The following MAGI2 variants were observed in gnomAD, a reference collection of about 807,000 sequenced individuals.
MAGI2 encodes the protein membrane associated guanylate kinase, WW and PDZ domain containing 2.
In MAGI2, 35 loss-of-function variants were observed where a neutral mutation model predicts 133.3. The observed-to-expected ratio is 0.26, with a 90% CI of 0.20 to 0.35. The LOEUF (loss-of-function observed/expected upper bound fraction) is 0.35. MAGI2 is among the 10% of genes least tolerant of loss of function. The probability of loss-of-function intolerance (pLI) is 1.00; values close to 1 mark genes in which losing one functional copy is unlikely to be tolerated. For missense variants in MAGI2, 1,636 were observed against 1,863.4 expected (o/e 0.88, Z 2.25); for synonymous variants, 729 against 710.6 (o/e 1.03, Z -0.41).
At chr7:78,229,492 G>T (rs1789737017) in intron 10 of MAGI2, among the ~76,000 whole-genome samples, 2 of 152,090 alleles carry the variant, frequency 1.3e-5, no homozygotes, top group South Asian at 4.1e-4. Context: ...CCACATACTG[G>T]GCTCTGTGTG....
rs6150177 is a variant in MAGI2 at position 78,367,100 on chromosome 7, A to AACACACACACACACACACACACAC, written c.1103+2032_1103+2055dup. ...TGTACACAGAAGTATAATGTAGGCA[A>AACACACACACACACACACACACAC]ACACACACACACACACACACACACA... is the stretch of plus-strand genomic sequence containing the variant. On this transcript the variant is annotated intron_variant, in intron 7 of 21. Transcript: ENST00000354212. 2.2e-3 allele frequency among the ~76,000 whole-genome samples: 323 copies of AACACACACACACACACACACACAC among 146,882 alleles called. 2 individuals are homozygous for AACACACACACACACACACACACAC. The highest frequency in any genetic ancestry group is 3.7e-3 in the Non-Finnish European group (245 of 66,892).
intron 20 of MAGI2, among the ~76,000 whole-genome samples, chr7:78,115,833 C>A (rs1224311988): frequency 6.6e-6 from 1 of 152,032 alleles, no homozygotes; most frequent in African/African-American, 2.4e-5. Flanking sequence ...CAAAAAAAGT[C>A]AACTGCTTTT....
intron 1 of MAGI2, among the ~76,000 whole-genome samples, chr7:79,378,944 A>G (rs1197282485): frequency 4.1e-4 from 14 of 33,810 alleles, no homozygotes; most frequent in African/African-American, 2.0e-3. Context: ...ATATATATAT[A>G]TATATATATA....
intron 20 of MAGI2, among the ~76,000 whole-genome samples, chr7:78,124,050 T>C (rs1344272063): frequency 6.6e-6 from 1 of 152,224 alleles, no homozygotes; most frequent in Non-Finnish European, 1.5e-5. Context: ...TTAGATCCCT[T>C]GTGAAAATAC....
chr7:78,710,189 TAC>T (rs1819041905), intron 2 of MAGI2, among the ~76,000 whole-genome samples: 1 of 152,200 alleles, frequency 6.6e-6, no homozygotes, highest in Non-Finnish European at 1.5e-5. Context: ...CAGACAAGAT[TAC>T]ACACATTCTA....
intron 1 of MAGI2, among the ~76,000 whole-genome samples, chr7:79,393,349 T>A (rs1257815667): frequency 6.6e-6 from 1 of 152,180 alleles, no homozygotes; most frequent in Non-Finnish European, 1.5e-5. Context: ...TATAAAGATG[T>A]TTTAAAATTT....
chr7:78,810,852 T>A (rs1487048225), intron 2 of MAGI2, among the ~76,000 whole-genome samples: 52 of 152,096 alleles, frequency 3.4e-4, no homozygotes, highest in Non-Finnish European at 2.9e-5. Context: ...TATTTCTTAA[T>A]AAATTATAGA....
intron 1 of MAGI2, among the ~76,000 whole-genome samples, chr7:79,159,410 G>T (rs188679684): frequency 2.0e-4 from 30 of 151,470 alleles, no homozygotes; most frequent in African/African-American, 7.0e-4. Context: ...TCAGCTACTC[G>T]GGAGGCTGAG....
intron 2 of MAGI2, among the ~76,000 whole-genome samples, chr7:78,710,558 A>C (rs976521540): frequency 6.6e-6 from 1 of 152,180 alleles, no homozygotes; most frequent in Non-Finnish European, 1.5e-5. Flanking sequence ...AATACCAAAC[A>C]CATTCCTCAG....
intron 2 of MAGI2, among the ~76,000 whole-genome samples, chr7:78,673,008 A>T (rs910136189): frequency 1.3e-5 from 2 of 152,180 alleles, no homozygotes; most frequent in East Asian, 1.9e-4. Context: ...GTATTAGATC[A>T]CTAAACATCT....
At chr7:79,399,095 C>CTTTTCTTTTTTTTT (rs1554471827) in intron 1 of MAGI2, among the ~76,000 whole-genome samples, 1 of 106,300 alleles carries the variant, frequency 9.4e-6, no homozygotes, top group African/African-American at 4.0e-5. Context: ...TTTTTCTTTT[C>CTTTTCTTTTTTTTT]TTTTTTTTTT....
At chr7:79,382,298 GA>G (rs1404846635) in intron 1 of MAGI2, among the ~76,000 whole-genome samples, 2 of 151,796 alleles carry the variant, frequency 1.3e-5, no homozygotes, top group East Asian at 3.9e-4. Context: ...CTATTGAGAA[GA>G]ATGCATCAAA....
At chr7:79,154,439 T>A (rs10231844) in intron 1 of MAGI2, among the ~76,000 whole-genome samples, 12,668 of 152,216 alleles carry the variant, frequency 0.083, 1,218 homozygotes, top group African/African-American at 0.23. Flanking sequence ...AATGTCTCTC[T>A]GCTAATGCCA....
At chr7:79,155,065 A>C (rs957743939) in intron 1 of MAGI2, among the ~76,000 whole-genome samples, 1 of 152,144 alleles carries the variant, frequency 6.6e-6, no homozygotes, top group African/African-American at 2.4e-5. Context: ...TTTTGGGTTT[A>C]TTAAAATTTT....
At position 78,398,215 on chromosome 7, in the gene MAGI2, A is replaced by T. The variant is rs150534092; in HGVS notation, c.1046-29002T>A. Among the ~76,000 whole-genome samples the T allele has an allele frequency of 2.3e-3, 345 of 152,278 alleles. 3 individuals carry two copies. Among genetic ancestry groups the T allele is most frequent in the African/African-American group, 7.9e-3 (330 of 41,570 alleles). On this transcript the variant is annotated intron_variant, in intron 6 of 21. Transcript: ENST00000354212. ...GTCAGAAATCGAAACAGCAGCATTG[A>T]CTCAGTTGACTCAGATAATAATATC...
intron 2 of MAGI2, among the ~76,000 whole-genome samples, chr7:78,633,028 A>G (rs1450345628): frequency 6.6e-6 from 1 of 152,222 alleles, no homozygotes; most frequent in Non-Finnish European, 1.5e-5. Context: ...ATAAAGAAAC[A>G]TGGTAGATAT....
chr7:79,136,127 AAG>A (rs1225606986), intron 1 of MAGI2, among the ~76,000 whole-genome samples: 1 of 146,892 alleles, frequency 6.8e-6, no homozygotes, highest in Non-Finnish European at 1.5e-5. Flanking sequence ...GAAAGAAAGA[AAG>A]ACACAAAAGG....
At chr7:78,649,341 G>A (rs1811296098) in intron 2 of MAGI2, among the ~76,000 whole-genome samples, 1 of 149,972 alleles carries the variant, frequency 6.7e-6, no homozygotes, top group Non-Finnish European at 1.5e-5. Flanking sequence ...GTATTTACAT[G>A]TTAGGAGACT....
chr7:79,443,850 T>C (rs886939773), intron 1 of MAGI2, among the ~76,000 whole-genome samples: 1 of 152,152 alleles, frequency 6.6e-6, no homozygotes, highest in Non-Finnish European at 1.5e-5. Context: ...CATTTTGATT[T>C]TTAATTAAAT....
Sources: allele counts gnomAD v4.1 joint callset (sites outside exome capture counted in the v4.1 genomes callset), GRCh38; gene constraint gnomAD v4.1.1; transcripts MANE v1.5; gene names NCBI Gene and HGNC (gene_info 2026-07-23, HGNC 2026-07-21).